Variants in TTLL4 observed in about 807,000 individuals in gnomAD.
The protein encoded by TTLL4 is tubulin monoglutamylase TTLL4.
Under a neutral mutation model 122.7 loss-of-function variants are expected in TTLL4, and 85 were observed. The observed-to-expected ratio is 0.69, with a 90% CI of 0.58 to 0.83. TTLL4 has a LOEUF of 0.83. Among genes scored for constraint, TTLL4 ranks in the 40% least tolerant of loss-of-function variants. The pLI, the probability that TTLL4 is intolerant of heterozygous loss-of-function variation, is 0.00. For synonymous variants in TTLL4, 553 were observed against 563.0 expected (o/e 0.98, Z 0.25); for missense variants, 1,363 against 1,488.6 (o/e 0.92, Z 1.39).
At chr2:218,711,862 A>G (rs1445257056) in intron 1 of TTLL4, among the ~76,000 whole-genome samples, 2 of 87,252 alleles carry the variant, frequency 2.3e-5, no homozygotes, top group Non-Finnish European at 6.3e-5. Context: ...TTGCTTTCTC[A>G]GATACTACAA....
At chr2:218,756,348 G>A (rs1339820925), downstream of TTLL4, among the ~76,000 whole-genome samples, 2 of 152,216 alleles carry the variant, frequency 1.3e-5, no homozygotes, top group Non-Finnish European at 2.9e-5. Context: ...GGGAAGCATG[G>A]TGGGGGAAGG....
chr2:218,715,458 A>G (rs1262865898), intron 1 of TTLL4, among the ~76,000 whole-genome samples: 1 of 152,228 alleles, frequency 6.6e-6, no homozygotes, highest in Admixed American at 6.5e-5. Context: ...ATTCTGTAAC[A>G]TGTGATACAG....
Position 218,737,702 on chromosome 2 carries a change from A to G in TTLL4, c.26A>G (p.Tyr9Cys). Residue 9 changes from tyrosine (Y) to cysteine (C), a missense_variant, in exon 3 of 20, where the codon TAT (tyrosine) becomes TGT (cysteine). Physicochemically the swap from Tyr to Cys is radical, Grantham distance 194. Around this residue, in one of 3 missense-constraint regions of TTLL4, gnomAD observed 760 missense variants for 808.4 expected, o/e 0.94. Coordinates refer to ENST00000392102, the MANE Select transcript of TTLL4 (RefSeq NM_014640.5). ...ATGGCCTCAGCAGGAACACAGCACT[A>G]TAGTATTGGCCTCCGCCAGAAAAAC... MASAGTQH[Y>C]SIGLRQKNSF... The G allele has an allele frequency of 1.9e-6, 3 of 1,610,530 alleles. No homozygotes were observed. The highest frequency in any genetic ancestry group is 1.7e-5 in the Admixed American group (1 of 59,796).
chr2:218,750,246 C>T (rs1405597733), intron 15 of TTLL4, 100 bp downstream of exon 15: 1 of 1,484,990 alleles, frequency 6.7e-7, no homozygotes, highest in African/African-American at 1.4e-5. Context: ...CTGCCAGGTT[C>T]CCCTTGCTGC....
At chr2:218,729,773 A>AAAC (rs1559361991) in intron 2 of TTLL4, among the ~76,000 whole-genome samples, 10 of 151,182 alleles carry the variant, frequency 6.6e-5, no homozygotes, top group South Asian at 2.1e-4. Context: ...CAAAAAAAAA[A>AAAC]AAAACAGGAT....
chr2:218,735,390 G>A (rs1191727571), intron 2 of TTLL4, among the ~76,000 whole-genome samples: 6 of 151,900 alleles, frequency 3.9e-5, no homozygotes, highest in Non-Finnish European at 7.4e-5. Flanking sequence ...GTGAGATACC[G>A]CCACTCCCTA....
chr2:218,752,130 C>T (rs1575184888), intron 16 of TTLL4, among the ~76,000 whole-genome samples: 1 of 152,148 alleles, frequency 6.6e-6, no homozygotes, highest in Non-Finnish European at 1.5e-5. Flanking sequence ...CTGGTCTCAA[C>T]CTCCCAACCT....
intron 11 of TTLL4, 63 bp from the exon 12 acceptor site, chr2:218,748,042 T>A (rs1942896097): frequency 6.2e-7 from 1 of 1,603,312 alleles, no homozygotes; most frequent in Admixed American, 1.7e-5. Context: ...GGGGAAATGT[T>A]TGGCCCCTTC....
Position 218,745,722 on chromosome 2 carries a change from GCT to G in TTLL4, c.1820_1821del (p.Leu607ProfsTer29), listed in dbSNP as rs1218219607. On this transcript the variant is annotated frameshift_variant, in exon 7 of 20. Transcript: ENST00000392102. LOFTEE classifies it high-confidence loss of function. ...AACTTCCCTGGGAACAGAGGAAGTTGCTCCGATGGAAGATGAGCACAGTGACC... is the reference window on the plus strand; with the variant it reads ...AACTTCCCTGGGAACAGAGGAAGTTGCCGATGGAAGATGAGCACAGTGACC... ...EKLPWEQRKL[L>X]RWKMSTVTPN... 8.7e-6 allele frequency: 14 copies of G among 1,612,836 alleles called. No homozygotes were observed. The highest frequency in any genetic ancestry group is 1.3e-5 in the African/African-American group (1 of 74,728).
rs1943059091 is a variant in TTLL4, at chr2:218,752,844, C to T, written c.3058C>T (p.Arg1020Cys). The part of the protein sequence containing the change: ...LVEMEDEFSR[R>C]GQFERIFPSH... ...TGAGATGGAAGATGAGTTTTCTCGC[C>T]GTGGTCAGTTTGAACGAATTTTTCC... The change falls in exon 17 of 20, where the codon CGT becomes TGT. Residue 1020 changes from arginine (R) to cysteine (C), a missense_variant. Arg to Cys is a radical substitution (Grantham distance 180). This residue lies in a region of TTLL4 where 596 missense variants were observed against 655.8 expected (regional missense o/e 0.91). Coordinates refer to ENST00000392102, the MANE Select transcript of TTLL4 (RefSeq NM_014640.5). 8.1e-6 allele frequency: 13 copies of T among 1,614,174 alleles called. No homozygotes were observed. In the East Asian group the frequency reaches 8.9e-5, roughly 11 times the overall value.
At chr2:218,730,341 A>AAAAAAAAAAAAAAAAG (rs1942340978) in intron 2 of TTLL4, among the ~76,000 whole-genome samples, 2 of 115,048 alleles carry the variant, frequency 1.7e-5, no homozygotes, top group Non-Finnish European at 3.7e-5. Context: ...AAAAAAAAAA[A>AAAAAAAAAAAAAAAAG]AAAAAAAAGA....
chr2:218,749,136 T>C (rs1409288774), intron 13 of TTLL4, 117 bp from the exon 14 acceptor site: 1 of 1,459,884 alleles, frequency 6.8e-7, no homozygotes, highest in Non-Finnish European at 9.3e-7. Context: ...ACTTGAGAGC[T>C]ACCTTTCCTG....
chr2:218,711,192 G>A (rs956612739), intron 1 of TTLL4, among the ~76,000 whole-genome samples, 155 bp downstream of exon 1: 3 of 152,146 alleles, frequency 2.0e-5, no homozygotes, highest in Non-Finnish European at 4.4e-5. Flanking sequence ...CTCATCCCCC[G>A]GGAGGCCAGG....
intron 12 of TTLL4, 28 bp from the exon 13 acceptor site, chr2:218,748,808 C>A: frequency 6.2e-7 from 1 of 1,601,126 alleles, no homozygotes; most frequent in South Asian, 1.1e-5. Context: ...GAATTTAATT[C>A]CTAATACTTC....
chr2:218,746,849 T>C, intron 8 of TTLL4, 154 bp from the exon 9 acceptor site: 3 of 733,170 alleles, frequency 4.1e-6, no homozygotes, highest in Non-Finnish European at 6.6e-6. Context: ...TGCTCTGCAG[T>C]TGGATACTTG....
chr2:218,752,796 CCA>C lies in TTLL4; in HGVS notation c.3011_3012del (p.Pro1004ArgfsTer2), dbSNP rs1361046313. The C allele has an allele frequency of 6.2e-7, 1 of 1,614,186 alleles. No homozygotes were observed. Among genetic ancestry groups the C allele is most frequent in the Non-Finnish European group, 8.5e-7 (1 of 1,180,052 alleles). ...FYASVLDVLTPDDVRILVEME... is the reference protein window; with the variant it reads ...FYASVLDVLTXDDVRILVEME... ...TGCATCTGTGCTGGATGTCCTGACA[CCA>C]GATGATGTTCGGATTCTGGTTGAGA... On this transcript the variant is annotated frameshift_variant, in exon 17 of 20. Transcript: ENST00000392102. LOFTEE classifies it high-confidence loss of function.
chr2:218,751,830 G>T, intron 16 of TTLL4, 24 bp downstream of exon 16: 1 of 1,582,460 alleles, frequency 6.3e-7, no homozygotes, highest in Non-Finnish European at 8.6e-7. Flanking sequence ...CTTCCCCCCA[G>T]TGCTAGCAGA....
chr2:218,737,825 A>G lies in TTLL4; in HGVS notation c.149A>G (p.Lys50Arg), dbSNP rs1416661737. 1 of 1,614,240 alleles carries G rather than the reference A, an allele frequency of 6.2e-7. No homozygotes were observed. The highest frequency in any genetic ancestry group is 8.5e-7 in the Non-Finnish European group (1 of 1,180,044). ...RVWPQAHQQV[K>R]PIWKLEKKQV... ...TGGCCTCAGGCCCATCAGCAAGTGA[A>G]GCCAATCTGGAAGCTGGAAAAGAAG... Residue 50 changes from lysine to arginine, a missense_variant, in exon 3 of 20, where the codon AAG (lysine) becomes AGG (arginine). Lys to Arg is a conservative substitution (Grantham distance 26). This residue lies in a region of TTLL4 where 760 missense variants were observed against 808.4 expected (regional missense o/e 0.94). Coordinates refer to ENST00000392102, the MANE Select transcript of TTLL4 (RefSeq NM_014640.5).
Position 218,738,142 on chromosome 2 carries a change from A to G in TTLL4, c.466A>G (p.Ser156Gly). Residue 156 changes from serine to glycine, a missense_variant, in exon 3 of 20, where the codon AGT becomes GGT. Physicochemically the swap from Ser to Gly is moderately conservative, Grantham distance 56. Around this residue, in one of 3 missense-constraint regions of TTLL4, gnomAD observed 760 missense variants for 808.4 expected, o/e 0.94. Transcript: ENST00000392102. ...FSLPQKSLPVSLTANKATSSM... is the reference protein window; with the variant it reads ...FSLPQKSLPVGLTANKATSSM... ...TCTCCCTCAAAAGAGCCTCCCTGTC[A>G]GTCTCACTGCCAACAAGGCCACTTC... The G allele has an allele frequency of 6.2e-7, 1 of 1,614,028 alleles. No individual in the cohort carries two copies. Among genetic ancestry groups the G allele is most frequent in the South Asian group, 1.1e-5 (1 of 91,076 alleles).
Sources: allele counts gnomAD v4.1 joint callset (sites outside exome capture counted in the v4.1 genomes callset), GRCh38; gene constraint gnomAD v4.1.1; regional missense constraint gnomAD v4.1.1; transcripts MANE v1.5; gene names NCBI Gene and HGNC (gene_info 2026-07-23, HGNC 2026-07-21).